ATP11C: variants seen among roughly 807,000 people sequenced by gnomAD.
ATP11C encodes the protein ATPase phospholipid transporting 11C (ATP11C blood group), also known as phospholipid-transporting ATPase IG.
Under a neutral mutation model 97.4 loss-of-function variants are expected in ATP11C, and 36 were observed. The observed-to-expected ratio is 0.37, with a 90% CI of 0.28 to 0.49. The LOEUF is 0.49. Among genes scored for constraint, ATP11C ranks in the 20% least tolerant of loss-of-function variants. The pLI, the probability that ATP11C is intolerant of heterozygous loss-of-function variation, is 0.98. For synonymous variants in ATP11C, 275 were observed against 290.9 expected (o/e 0.95, Z 0.56); for missense variants, 730 against 824.6 (o/e 0.89, Z 1.40).
chrX:139,829,074 T>C (rs1425400405), intron 1 of ATP11C, among the ~76,000 whole-genome samples: 1 of 112,165 alleles, frequency 8.9e-6, no homozygotes, highest in Non-Finnish European at 1.9e-5. Flanking sequence ...TTGAAATTAC[T>C]ATGCAGGTTT....
intron 22 of ATP11C, among the ~76,000 whole-genome samples, chrX:139,761,213 G>A (rs999558627): frequency 3.6e-5 from 4 of 111,420 alleles, no homozygotes; most frequent in Non-Finnish European, 5.7e-5. Context: ...AGAGGCTACA[G>A]TGAGCCGAGA....
intron 1 of ATP11C, among the ~76,000 whole-genome samples, chrX:139,887,745 G>A (rs765651858): frequency 1.8e-5 from 2 of 110,972 alleles, no homozygotes; most frequent in South Asian, 3.8e-4. Context: ...CAAGGTGGGC[G>A]GATTTGCCTG....
At position 139,768,453 on chromosome X, in the gene ATP11C, G is replaced by A. The variant is rs763887185; in HGVS notation, c.2217-19C>T. 48 of 1,023,846 alleles carry A rather than the reference G, an allele frequency of 4.7e-5. 1 individual carries two copies. The South Asian group carries it at 1.6e-3, about 34-fold the overall frequency. 84.4% of individuals were successfully genotyped at this position (1,023,846 alleles called of 1,213,427 possible). The stretch of plus-strand genomic sequence containing the variant: ...CCATGCTCTGAAAAAGAGAAACAAT[G>A]CTATGTTTGGATTTATTACAGATTT... On this transcript the variant is annotated intron_variant, in intron 19 of 29. Coordinates refer to ENST00000682941, the MANE Select transcript of ATP11C (RefSeq NM_001353812.2).
rs2085459667 is a variant in ATP11C, at chrX:139,932,591, C to T, written c.-549G>A. The T allele has an allele frequency of 8.9e-6, 1 of 111,827 alleles. No homozygotes were observed. Among genetic ancestry groups the T allele is most frequent in the South Asian group, 3.7e-4 (1 of 2,698 alleles). 9.2% of individuals were successfully genotyped at this position (111,827 alleles called of 1,213,427 possible). On this transcript the variant is annotated 5_prime_UTR_variant, in exon 1 of 30. Coordinates refer to ENST00000682941, the MANE Select transcript of ATP11C (RefSeq NM_001353812.2). ...CACCTCGCCTCAGCCCGACACTACT[C>T]CCCTGTCTCTGTCGGGAGCCACAGC... is the stretch of plus-strand genomic sequence containing the variant.
At chrX:139,837,049 A>G (rs1407155011) in intron 1 of ATP11C, among the ~76,000 whole-genome samples, 1 of 111,487 alleles carries the variant, frequency 9.0e-6, no homozygotes, top group Non-Finnish European at 1.9e-5. Flanking sequence ...GGAGAGATAA[A>G]GCCATTTGAA....
chrX:139,876,922 T>C (rs1460475377), intron 1 of ATP11C, among the ~76,000 whole-genome samples: 3 of 112,597 alleles, frequency 2.7e-5, no homozygotes, highest in African/African-American at 9.7e-5. Context: ...AGGTGAACAA[T>C]GCCATATCTA....
chrX:139,769,726 C>T (rs1178325874), intron 19 of ATP11C, among the ~76,000 whole-genome samples: 1 of 111,388 alleles, frequency 9.0e-6, no homozygotes, highest in African/African-American at 3.3e-5. Context: ...AAGCATTAGA[C>T]AAAGCAGGAT....
intron 19 of ATP11C, among the ~76,000 whole-genome samples, chrX:139,773,194 T>C (rs1051543284): frequency 9.0e-6 from 1 of 111,704 alleles, no homozygotes; most frequent in African/African-American, 3.3e-5. Flanking sequence ...CGCTGTCATG[T>C]AAGAGGTGCT....
At chrX:139,879,596 G>A (rs1174189540) in intron 1 of ATP11C, among the ~76,000 whole-genome samples, 1 of 111,759 alleles carries the variant, frequency 8.9e-6, no homozygotes, top group African/African-American at 3.3e-5. Flanking sequence ...TACACCATGG[G>A]TGGTATTAGA....
rs1243540772 is a variant in ATP11C at position 139,726,916 on chromosome X, A to G, written c.*2050T>C. ...TTAGCTCTTCAGTAAAATATCTTTT[A>G]AAAAGGAAAGCCAGGTCCCTCTCAA... On this transcript the variant is annotated 3_prime_UTR_variant, in exon 30 of 30. Coordinates refer to ENST00000682941, the MANE Select transcript of ATP11C (RefSeq NM_001353812.2). 2.7e-5 allele frequency: 3 copies of G among 111,682 alleles called. No individual in the cohort carries two copies. Among genetic ancestry groups the G allele is most frequent in the Non-Finnish European group, 5.7e-5 (3 of 53,055 alleles). The allele number at this position is 111,682 out of a possible 1,213,427, so 9.2% of individuals were successfully genotyped here.
In ATP11C at chrX:139,793,254, A is replaced by G. The variant is rs549544651; in HGVS notation, c.1206+3019T>C. Among the ~76,000 whole-genome samples the G allele has an allele frequency of 2.7e-5, 3 of 111,678 alleles. No homozygotes were observed. The South Asian group carries it at 1.1e-3, about 42-fold the overall frequency. On this transcript the variant is annotated intron_variant, in intron 12 of 29. Transcript: ENST00000682941. The stretch of plus-strand genomic sequence containing the variant: ...CCATCATACAGAAACAATCATGTTA[A>G]TATTTTGAGTGGTAAAATGTGTATT...
At chrX:139,827,300 G>A (rs1360373497) in intron 1 of ATP11C, among the ~76,000 whole-genome samples, 2 of 112,272 alleles carry the variant, frequency 1.8e-5, no homozygotes, top group Non-Finnish European at 3.8e-5. Flanking sequence ...GTGTATAAGT[G>A]TAAAGGTCAG....
intron 4 of ATP11C, among the ~76,000 whole-genome samples, chrX:139,815,853 A>C (rs2083278857): frequency 9.0e-6 from 1 of 111,124 alleles, no homozygotes; most frequent in South Asian, 3.8e-4. Flanking sequence ...GACAATGCTA[A>C]GCTATCACTT....
At chrX:139,853,408 G>T (rs2084035151) in intron 1 of ATP11C, among the ~76,000 whole-genome samples, 1 of 109,485 alleles carries the variant, frequency 9.1e-6, no homozygotes, top group Non-Finnish European at 1.9e-5. Context: ...CAAAGAGAGA[G>T]AGAGGAAGAG....
intron 2 of ATP11C, 68 bp from the exon 3 acceptor site, chrX:139,819,495 G>T: frequency 2.4e-6 from 1 of 418,716 alleles, no homozygotes; most frequent in Non-Finnish European, 4.0e-6. Context: ...AGTAATGACT[G>T]ATTATGGGTC....
intron 23 of ATP11C, among the ~76,000 whole-genome samples, chrX:139,750,951 G>C (rs991979277): frequency 8.9e-6 from 1 of 112,036 alleles, no homozygotes; most frequent in African/African-American, 3.2e-5. Flanking sequence ...TATCTACACA[G>C]TGCTAAAGAT....
chrX:139,731,107 T>C (rs911048059), intron 29 of ATP11C, among the ~76,000 whole-genome samples: 13 of 111,595 alleles, frequency 1.2e-4, no homozygotes, highest in Non-Finnish European at 9.4e-5. Flanking sequence ...GACTGGTTCA[T>C]TGATATATAT....
Position 139,867,919 on chromosome X carries a change from T to C in ATP11C, c.28-41096A>G, listed in dbSNP as rs933621261. On this transcript the variant is annotated intron_variant, in intron 1 of 29. Transcript: ENST00000682941. ...AGGGCCTGGACCAAAGCTGCAGCCA[T>C]GAGAATGGAAGAGGAGAAGGAGTTA... Among the ~76,000 whole-genome samples, 10 of 111,339 alleles carry C rather than the reference T, an allele frequency of 9.0e-5. 1 individual carries two copies. The highest frequency in any genetic ancestry group is 3.3e-4 in the African/African-American group (10 of 30,604).
chrX:139,805,985 T>C (rs1402090367), intron 5 of ATP11C, among the ~76,000 whole-genome samples: 1 of 112,310 alleles, frequency 8.9e-6, no homozygotes, highest in Non-Finnish European at 1.9e-5. Context: ...TGCTTAAATA[T>C]GCAGAAGAGA....
Sources: allele counts gnomAD v4.1 joint callset (sites outside exome capture counted in the v4.1 genomes callset), GRCh38; gene constraint gnomAD v4.1.1; transcripts MANE v1.5; gene names NCBI Gene and HGNC (gene_info 2026-07-23, HGNC 2026-07-21).